CNTN1: variants seen among roughly 807,000 people sequenced by gnomAD.
The protein encoded by CNTN1 is contactin 1.
Under a neutral mutation model 126.4 loss-of-function variants are expected in CNTN1, and 38 were observed. That is an observed-to-expected ratio of 0.30 (90% confidence interval 0.23 to 0.39). CNTN1 has a LOEUF of 0.39. Ranked by LOEUF, CNTN1 falls within the 10% of genes least tolerant of loss-of-function variation. CNTN1 has a pLI of 1.00. For synonymous variants in CNTN1, 413 were observed against 422.6 expected (o/e 0.98, Z 0.28); for missense variants, 1,009 against 1,248.4 (o/e 0.81, Z 2.89).
At chr12:40,879,386 T>C (rs1265545268) in intron 1 of CNTN1, among the ~76,000 whole-genome samples, 1 of 152,128 alleles carries the variant, frequency 6.6e-6, no homozygotes, top group Non-Finnish European at 1.5e-5. Flanking sequence ...CTTACTCAAA[T>C]ATTCTAAGAA....
intron 1 of CNTN1, among the ~76,000 whole-genome samples, chr12:40,882,957 A>C (rs990391715): frequency 1.3e-5 from 2 of 151,716 alleles, no homozygotes; most frequent in East Asian, 3.9e-4. Context: ...ATCTCCTTAC[A>C]AGCTAGAATA....
intron 14 of CNTN1, among the ~76,000 whole-genome samples, chr12:40,947,774 TATATATATACACAC>T (rs1357017922): frequency 0.015 from 1,219 of 81,208 alleles, 40 homozygotes; most frequent in African/African-American, 0.057. Flanking sequence ...CATATATATA[TATATATATACACAC>T]ACACACACAC....
chr12:41,065,515 C>T (rs1478570134), intron 23 of CNTN1, among the ~76,000 whole-genome samples: 3 of 152,126 alleles, frequency 2.0e-5, no homozygotes, highest in African/African-American at 7.2e-5. Flanking sequence ...CATGCAGGTG[C>T]GAAGGAGAAG....
intron 16 of CNTN1, 134 bp downstream of exon 16, chr12:40,981,201 A>C (rs1040748169): frequency 1.3e-6 from 1 of 797,106 alleles, no homozygotes; most frequent in Non-Finnish European, 2.0e-6. Flanking sequence ...TTTAAAATGT[A>C]TTCTAATATT....
At chr12:40,703,423 T>G (rs1381238909) in intron 1 of CNTN1, among the ~76,000 whole-genome samples, 2 of 152,232 alleles carry the variant, frequency 1.3e-5, no homozygotes, top group Non-Finnish European at 2.9e-5. Context: ...TGGATAAAGA[T>G]TTAAATCTAT....
chr12:40,872,090 T>C (rs1645651318), intron 1 of CNTN1, among the ~76,000 whole-genome samples: 1 of 152,112 alleles, frequency 6.6e-6, no homozygotes, highest in Non-Finnish European at 1.5e-5. Context: ...CTTGATTTTA[T>C]AGTAGGAGAA....
At chr12:40,866,306 A>G (rs1328133542) in intron 1 of CNTN1, among the ~76,000 whole-genome samples, 1 of 151,858 alleles carries the variant, frequency 6.6e-6, no homozygotes, top group East Asian at 1.9e-4. Context: ...TTTTATTTCT[A>G]TTTCTTATCT....
chr12:40,764,448 A>G (rs554583691), intron 1 of CNTN1, among the ~76,000 whole-genome samples: 1 of 152,320 alleles, frequency 6.6e-6, no homozygotes, highest in African/African-American at 2.4e-5. Context: ...TGTGTTTTCT[A>G]ATTGTTTTTT....
intron 4 of CNTN1, among the ~76,000 whole-genome samples, chr12:40,921,700 AAT>A (rs1945448491): frequency 6.6e-6 from 1 of 152,174 alleles, no homozygotes; most frequent in South Asian, 2.1e-4. Flanking sequence ...TGTGGCTCGG[AAT>A]AAATTTTTAA....
intron 1 of CNTN1, among the ~76,000 whole-genome samples, chr12:40,697,933 T>A (rs964726633): frequency 2.1e-4 from 32 of 152,358 alleles, no homozygotes; most frequent in African/African-American, 7.7e-4. Context: ...CACAATTATC[T>A]GAATGACTCA....
intron 14 of CNTN1, among the ~76,000 whole-genome samples, chr12:40,952,557 C>T (rs1946728322): frequency 6.6e-6 from 1 of 151,860 alleles, no homozygotes; most frequent in Non-Finnish European, 1.5e-5. Flanking sequence ...AATAGCGACA[C>T]TAGTAATATT....
In CNTN1 at chr12:40,933,820, A is replaced by C; in HGVS notation, c.927A>C (p.Glu309Asp). ...AGCTAGAAGATGAAGGCATCTATGA[A>C]TGTGAGGCTGAGAACATTAGAGGAA... ...NIQLEDEGIYECEAENIRGKD... is the reference protein window; with the variant it reads ...NIQLEDEGIYDCEAENIRGKD... The change falls in exon 9 of 24, where the codon GAA becomes GAC. Residue 309 changes from glutamate (E) to aspartate (D), a missense_variant. Transcript: ENST00000551295. 1 of 1,612,650 alleles carries C rather than the reference A, an allele frequency of 6.2e-7. No homozygotes were observed. Among genetic ancestry groups the C allele is most frequent in the Non-Finnish European group, 8.5e-7 (1 of 1,179,008 alleles).
chr12:41,069,468 G>A lies in CNTN1; in HGVS notation c.2981-491G>A, dbSNP rs370463397. On this transcript the variant is annotated intron_variant, in intron 23 of 23. Transcript: ENST00000551295. The stretch of plus-strand genomic sequence containing the variant: ...ATTATTATTATACTTTAAGTTTTAG[G>A]GTACATGTGCACAATGTGCAGGTTT... Among the ~76,000 whole-genome samples, 525 of 151,740 alleles carry A rather than the reference G, an allele frequency of 3.5e-3. 2 individuals are homozygous for A. Among genetic ancestry groups the A allele is most frequent in the African/African-American group, 0.012 (489 of 41,336 alleles).
intron 1 of CNTN1, among the ~76,000 whole-genome samples, chr12:40,754,093 G>A (rs1412799488): frequency 6.6e-6 from 1 of 151,618 alleles, no homozygotes; most frequent in Non-Finnish European, 1.5e-5. Flanking sequence ...CACAATATTT[G>A]GTACACTATA....
intron 14 of CNTN1, among the ~76,000 whole-genome samples, chr12:40,944,569 G>A (rs543157243): frequency 6.6e-6 from 1 of 152,118 alleles, no homozygotes; most frequent in African/African-American, 2.4e-5. Flanking sequence ...TGCTTTAAGA[G>A]TAAGAAAGAG....
chr12:40,889,067 C>G (rs1426330003), intron 1 of CNTN1, among the ~76,000 whole-genome samples: 1 of 152,166 alleles, frequency 6.6e-6, no homozygotes, highest in Non-Finnish European at 1.5e-5. Flanking sequence ...AAAGTTGAAC[C>G]ATTTGAAAAT....
chr12:40,993,314 A>G (rs768953026), intron 17 of CNTN1, 45 bp downstream of exon 17: 1 of 1,497,306 alleles, frequency 6.7e-7, no homozygotes, highest in Non-Finnish European at 9.3e-7. Flanking sequence ...ATTTCTAAAT[A>G]CAGTGCCACT....
At chr12:40,890,498 C>G (rs1944203317) in intron 1 of CNTN1, among the ~76,000 whole-genome samples, 1 of 151,928 alleles carries the variant, frequency 6.6e-6, no homozygotes, top group South Asian at 2.1e-4. Context: ...TCTGTGATCT[C>G]CCTATTCATT....
At chr12:40,732,111 A>G (rs1262973285) in intron 1 of CNTN1, among the ~76,000 whole-genome samples, 1 of 152,004 alleles carries the variant, frequency 6.6e-6, no homozygotes, top group Non-Finnish European at 1.5e-5. Flanking sequence ...AAGCTAGAGA[A>G]ATTGCTCATT....
Sources: gnomAD v4.1 joint callset for allele counts (sites outside exome capture counted in the v4.1 genomes callset) on GRCh38, gnomAD v4.1.1 for gene constraint, MANE v1.5 for transcripts, NCBI Gene and HGNC (gene_info 2026-07-23, HGNC 2026-07-21) for gene names.